KCNH8: variants seen among roughly 807,000 people sequenced by gnomAD.
KCNH8 encodes voltage-gated delayed rectifier potassium channel KCNH8.
Under a neutral mutation model 103.6 loss-of-function variants are expected in KCNH8, and 70 were observed. That is an observed-to-expected ratio of 0.68 (90% confidence interval 0.56 to 0.82). The LOEUF (loss-of-function observed/expected upper bound fraction) is 0.82, where lower values mean the gene tolerates loss of function less well. Ranked by LOEUF, KCNH8 falls within the 40% of genes least tolerant of loss-of-function variation. The probability of loss-of-function intolerance (pLI) is 0.00; values close to 1 mark genes in which losing one functional copy is unlikely to be tolerated. For synonymous variants in KCNH8, 498 were observed against 489.4 expected (o/e 1.02, Z -0.23); for missense variants, 1,217 against 1,329.9 (o/e 0.92, Z 1.32).
At chr3:19,486,472 C>T (rs1288870551) in intron 11 of KCNH8, among the ~76,000 whole-genome samples, 3 of 152,232 alleles carry the variant, frequency 2.0e-5, no homozygotes, top group African/African-American at 7.2e-5. Flanking sequence ...CCGTTGCTGC[C>T]AGGGCCCTTA....
chr3:19,280,680 T>C (rs940487484), intron 2 of KCNH8, among the ~76,000 whole-genome samples: 1 of 152,130 alleles, frequency 6.6e-6, no homozygotes, highest in Non-Finnish European at 1.5e-5. Flanking sequence ...TTAATTTGAA[T>C]CAGCCAGCAA....
intron 3 of KCNH8, among the ~76,000 whole-genome samples, chr3:19,300,371 A>C (rs2065050814): frequency 6.6e-6 from 1 of 152,208 alleles, no homozygotes; most frequent in African/African-American, 2.4e-5. Flanking sequence ...AGGAAGACTC[A>C]CCATGGGGCA....
At chr3:19,224,585 G>A (rs2063909396) in intron 1 of KCNH8, among the ~76,000 whole-genome samples, 1 of 144,786 alleles carries the variant, frequency 6.9e-6, no homozygotes, top group Non-Finnish European at 1.5e-5. Context: ...TTTTGAGAGA[G>A]GCTGGAGTGC....
chr3:19,291,924 A>G (rs2064933601), intron 3 of KCNH8, among the ~76,000 whole-genome samples: 2 of 152,326 alleles, frequency 1.3e-5, no homozygotes, highest in South Asian at 2.1e-4. Flanking sequence ...GAAACTGAGT[A>G]AATACTTTCT....
chr3:19,162,763 A>C (rs78764853), intron 1 of KCNH8, among the ~76,000 whole-genome samples: 4,778 of 152,240 alleles, frequency 0.031, 253 homozygotes, highest in African/African-American at 0.11. Context: ...TATTATGATA[A>C]ATTTTTATAT....
At chr3:19,479,104 C>T (rs2068033594) in intron 11 of KCNH8, among the ~76,000 whole-genome samples, 1 of 152,100 alleles carries the variant, frequency 6.6e-6, no homozygotes, top group Non-Finnish European at 1.5e-5. Context: ...CACTATGCTA[C>T]CCAACCTCCT....
chr3:19,467,683 G>A (rs554571303), intron 11 of KCNH8, among the ~76,000 whole-genome samples: 2 of 152,208 alleles, frequency 1.3e-5, no homozygotes, highest in South Asian at 2.1e-4. Flanking sequence ...GATTCTCCCT[G>A]CCTCCACTTG....
At chr3:19,225,917 A>G (rs558608887) in intron 1 of KCNH8, among the ~76,000 whole-genome samples, 3 of 152,228 alleles carry the variant, frequency 2.0e-5, no homozygotes, top group South Asian at 2.1e-4. Context: ...ATACATGCCA[A>G]TGATTTCAGA....
At chr3:19,261,224 G>T (rs1006271045) in intron 2 of KCNH8, among the ~76,000 whole-genome samples, 1 of 151,458 alleles carries the variant, frequency 6.6e-6, no homozygotes, top group Non-Finnish European at 1.5e-5. Context: ...CAACAGTTTA[G>T]AAGGGTTCCC....
At chr3:19,254,709 A>AT (rs1216201940) in intron 2 of KCNH8, among the ~76,000 whole-genome samples, 1 of 152,072 alleles carries the variant, frequency 6.6e-6, no homozygotes, top group Non-Finnish European at 1.5e-5. Context: ...CAAAATTCTC[A>AT]TTTTTTCTTC....
intron 1 of KCNH8, among the ~76,000 whole-genome samples, chr3:19,203,099 C>T (rs1407690733): frequency 2.0e-5 from 3 of 152,034 alleles, no homozygotes; most frequent in Non-Finnish European, 1.5e-5. Context: ...ACAATGCATG[C>T]AAACAGGAAC....
chr3:19,423,330 G>T (rs2066978480), intron 7 of KCNH8, among the ~76,000 whole-genome samples: 1 of 151,248 alleles, frequency 6.6e-6, no homozygotes, highest in African/African-American at 2.4e-5. Flanking sequence ...GTTGAATTTT[G>T]GTTGCATGAA....
intron 6 of KCNH8, 75 bp from the exon 7 acceptor site, chr3:19,395,029 G>C: frequency 9.6e-7 from 1 of 1,042,964 alleles, no homozygotes; most frequent in Non-Finnish European, 1.5e-6. Context: ...AGAATTTTTA[G>C]AATGGCTCCA....
intron 1 of KCNH8, among the ~76,000 whole-genome samples, chr3:19,226,623 GCACA>G (rs146546353): frequency 5.5e-5 from 8 of 145,646 alleles, no homozygotes; most frequent in South Asian, 2.2e-4. Flanking sequence ...ACACATGCAT[GCACA>G]CACACACACA....
At chr3:19,479,062 C>G (rs1269582104) in intron 11 of KCNH8, among the ~76,000 whole-genome samples, 1 of 152,106 alleles carries the variant, frequency 6.6e-6, no homozygotes, top group Non-Finnish European at 1.5e-5. Flanking sequence ...GGTTACATAG[C>G]TAATAATTGG....
At chr3:19,379,148 G>A (rs1210722791) in intron 5 of KCNH8, among the ~76,000 whole-genome samples, 10 of 152,162 alleles carry the variant, frequency 6.6e-5, no homozygotes, top group South Asian at 2.1e-4. Context: ...AAGTTATTTC[G>A]TAACAGATTG....
rs914188366 is a variant in KCNH8, at chr3:19,170,253, CCT to C, written c.76+21459_76+21460del. Among the ~76,000 whole-genome samples the C allele has an allele frequency of 2.0e-4, 31 of 152,174 alleles. No individual in the cohort carries two copies. The East Asian group carries it at 3.9e-3, about 19-fold the overall frequency. Reference sequence around the variant, plus strand: ...TTGTTTTTCACGTCCTATTTTTACCCCTTTCTTAACAGTTCCCTAAGCTCTAT... The same window carrying C: ...TTGTTTTTCACGTCCTATTTTTACCCTTCTTAACAGTTCCCTAAGCTCTAT... On this transcript the variant is annotated intron_variant, in intron 1 of 15. Coordinates refer to ENST00000328405, the MANE Select transcript of KCNH8 (RefSeq NM_144633.3).
At chr3:19,319,391 A>C (rs1197435716) in intron 3 of KCNH8, among the ~76,000 whole-genome samples, 1 of 152,072 alleles carries the variant, frequency 6.6e-6, no homozygotes, top group Admixed American at 6.6e-5. Context: ...GTGGCTTGCC[A>C]ATTATCCCAG....
intron 2 of KCNH8, among the ~76,000 whole-genome samples, chr3:19,278,155 G>A (rs1017696415): frequency 6.6e-6 from 1 of 152,052 alleles, no homozygotes; most frequent in Non-Finnish European, 1.5e-5. Flanking sequence ...AGGGTGGAGG[G>A]CTTGCTGGAA....
Sources: allele counts gnomAD v4.1 joint callset (sites outside exome capture counted in the v4.1 genomes callset), GRCh38; gene constraint gnomAD v4.1.1; transcripts MANE v1.5; gene names NCBI Gene and HGNC (gene_info 2026-07-23, HGNC 2026-07-21).